PTPRB: variants seen among roughly 807,000 people sequenced by gnomAD.
The protein encoded by PTPRB is protein tyrosine phosphatase receptor type B.
A neutral mutation model predicts 238.1 loss-of-function variants in PTPRB; 97 were observed. The observed-to-expected ratio is 0.41, with a 90% CI of 0.35 to 0.48. The LOEUF (loss-of-function observed/expected upper bound fraction) is 0.48. PTPRB is among the 20% of genes least tolerant of loss of function. The probability of loss-of-function intolerance (pLI) is 0.30; values close to 1 mark genes in which losing one functional copy is unlikely to be tolerated. For synonymous variants in PTPRB, 970 were observed against 995.4 expected (o/e 0.97, Z 0.48); for missense variants, 2,292 against 2,681.9 (o/e 0.85, Z 3.21).
intron 3 of PTPRB, among the ~76,000 whole-genome samples, chr12:70,620,772 T>A (rs1884894390): frequency 6.6e-6 from 1 of 152,162 alleles, no homozygotes; most frequent in South Asian, 2.1e-4. Flanking sequence ...AAACACTGAA[T>A]TTTGTTCTAA....
rs149749723 is a variant in PTPRB, at chr12:70,525,334, C to T, written c.6505-743G>A. The T allele has an allele frequency of 2.8e-4, 42 of 152,254 alleles. No homozygotes were observed. In the East Asian group the frequency reaches 7.7e-3, roughly 28 times the overall value. The allele number at this position is 152,254 out of a possible 1,614,324, so 9.4% of individuals were successfully genotyped here. ...TGAGAAAATCATTTCACTGCATACT[C>T]TGCTGGTTTGTTCCCTTTATTCTAG... is the stretch of plus-strand genomic sequence containing the variant. On this transcript the variant is annotated intron_variant, in intron 32 of 33. Transcript: ENST00000334414.
intron 9 of PTPRB, 79 bp from the exon 10 acceptor site, chr12:70,581,381 G>A: frequency 7.1e-7 from 1 of 1,408,638 alleles, no homozygotes; most frequent in Non-Finnish European, 9.6e-7. Flanking sequence ...TCAAAAAATG[G>A]AGACAGACTT....
At chr12:70,615,460 T>TC (rs923507274) in intron 3 of PTPRB, among the ~76,000 whole-genome samples, 4 of 152,198 alleles carry the variant, frequency 2.6e-5, no homozygotes, top group African/African-American at 9.6e-5. Context: ...TATTCTTTTT[T>TC]CCCACACCCA....
chr12:70,605,645 CA>C (rs1234133797), intron 4 of PTPRB, among the ~76,000 whole-genome samples: 1 of 152,046 alleles, frequency 6.6e-6, no homozygotes, highest in Non-Finnish European at 1.5e-5. Flanking sequence ...GGAGAAGACA[CA>C]AGTCAGCTCT....
chr12:70,545,791 G>A (rs1417903282), intron 21 of PTPRB, among the ~76,000 whole-genome samples: 3 of 152,154 alleles, frequency 2.0e-5, no homozygotes, highest in Admixed American at 1.3e-4. Flanking sequence ...ATCAAGGATG[G>A]CCTAAGACTT....
intron 10 of PTPRB, among the ~76,000 whole-genome samples, chr12:70,578,557 T>C (rs550326684): frequency 6.6e-6 from 1 of 152,096 alleles, no homozygotes; most frequent in Non-Finnish European, 1.5e-5. Flanking sequence ...TAATTTCTTG[T>C]CCCTTTTTCC....
At chr12:70,570,836 C>G in intron 13 of PTPRB, 190 bp downstream of exon 13, 7 of 679,948 alleles carry the variant, frequency 1.0e-5, no homozygotes, top group Non-Finnish European at 1.7e-5. Context: ...CCCCGCCACT[C>G]TCTGCTGACA....
chr12:70,620,343 G>A (rs1884872240), intron 3 of PTPRB, among the ~76,000 whole-genome samples: 1 of 152,174 alleles, frequency 6.6e-6, no homozygotes, highest in African/African-American at 2.4e-5. Flanking sequence ...CCAGACTCTT[G>A]ACTGCAGCAG....
intron 9 of PTPRB, among the ~76,000 whole-genome samples, chr12:70,584,809 C>CG (rs1881723290): frequency 6.6e-6 from 1 of 151,422 alleles, no homozygotes; most frequent in Admixed American, 6.6e-5. Flanking sequence ...ATCTCAGATG[C>CG]AGGGGGAAAA....
chr12:70,558,842 A>T (rs1443811083), intron 18 of PTPRB: 1 of 165,066 alleles, frequency 6.1e-6, no homozygotes, highest in African/African-American at 2.4e-5. Flanking sequence ...CTCACCTTTT[A>T]TGCTATGGCC....
chr12:70,582,480 T>C (rs1175454487), intron 9 of PTPRB, among the ~76,000 whole-genome samples: 1 of 152,090 alleles, frequency 6.6e-6, no homozygotes, highest in Non-Finnish European at 1.5e-5. Context: ...GAAACATAGA[T>C]TGATAGAACA....
intron 3 of PTPRB, among the ~76,000 whole-genome samples, chr12:70,618,097 TTTTG>T (rs899640331): frequency 1.8e-4 from 27 of 152,144 alleles, no homozygotes; most frequent in Non-Finnish European, 2.6e-4. Flanking sequence ...CTTGTTTGTT[TTTTG>T]TTTGTTTGTT....
At chr12:70,540,176 AG>A (rs1316066718) in intron 23 of PTPRB, 154 bp from the exon 24 acceptor site, 1 of 619,598 alleles carries the variant, frequency 1.6e-6, no homozygotes, top group East Asian at 2.8e-5. Flanking sequence ...AGGGAGGGAA[AG>A]GAAAGAGAAT....
rs1053017383 is a variant in PTPRB, at chr12:70,521,812, C to T, written c.6626-301G>A. 3.9e-5 allele frequency among the ~76,000 whole-genome samples: 6 copies of T among 152,130 alleles called. No individual in the cohort carries two copies. The East Asian group carries it at 5.8e-4, about 15-fold the overall frequency. The stretch of plus-strand genomic sequence containing the variant: ...GTTACAGCTAGTTAGTTCGAGAGTT[C>T]GGACCTGAATCTTAGCCTTCAGCTA... On this transcript the variant is annotated intron_variant, in intron 33 of 33. Transcript: ENST00000334414.
intron 32 of PTPRB, among the ~76,000 whole-genome samples, chr12:70,529,612 T>C (rs1354216562): frequency 6.6e-6 from 1 of 152,096 alleles, no homozygotes; most frequent in Non-Finnish European, 1.5e-5. Flanking sequence ...TGCATAGTCT[T>C]GTGGAGAAAG....
chr12:70,635,963 C>T lies in PTPRB; in HGVS notation c.159G>A (p.Met53Ile), dbSNP rs2136620091. Reference sequence around the variant, plus strand: ...GAAGGAGCTTTTCATCCTCAGTCCACATCCACTGCTGGTTCTGGATGGTCC... The same window carrying T: ...GAAGGAGCTTTTCATCCTCAGTCCATATCCACTGCTGGTTCTGGATGGTCC... ...CNRTIQNQQW[M>I]WTEDEKLLHV... The change falls in exon 2 of 34, where the codon ATG becomes ATA. Residue 53 changes from methionine (M) to isoleucine (I), a missense_variant. By Grantham distance (10) the Met-to-Ile change is conservative. Coordinates refer to ENST00000334414, the MANE Select transcript of PTPRB (RefSeq NM_001109754.4). 1 of 1,613,654 alleles carries T rather than the reference C, an allele frequency of 6.2e-7. No homozygotes were observed.
intron 8 of PTPRB, among the ~76,000 whole-genome samples, chr12:70,588,500 GCA>G (rs1287412112): frequency 1.3e-5 from 2 of 152,118 alleles, no homozygotes; most frequent in African/African-American, 4.8e-5. Context: ...AGGTGTGGTG[GCA>G]CATGCCTGTG....
At position 70,540,869 on chromosome 12, in the gene PTPRB, T is replaced by C; in HGVS notation, c.5583A>G (p.Arg1861=). The C allele has an allele frequency of 6.2e-7, 1 of 1,600,196 alleles. No homozygotes were observed. Among genetic ancestry groups the C allele is most frequent in the Non-Finnish European group, 8.5e-7 (1 of 1,173,074 alleles). ...LVAVVALLIC[R]QKVSHGRERP... is the part of the protein sequence containing the mutation. ...ATCTTTGTACTTACCTCACTTTCTG[T>C]CTGCAGATCAATAAGGCAACAACAG... The change falls in exon 23 of 34, where the codon AGA becomes AGG. Residue 1861 remains arginine, a synonymous_variant. Transcript: ENST00000334414.
chr12:70,564,894 G>C (rs1375212069), intron 15 of PTPRB, among the ~76,000 whole-genome samples: 6 of 147,944 alleles, frequency 4.1e-5, no homozygotes, highest in South Asian at 2.1e-4. Context: ...ATAATAAATA[G>C]ATAGATAAAA....
Sources: gnomAD v4.1 joint callset for allele counts (sites outside exome capture counted in the v4.1 genomes callset) on GRCh38, gnomAD v4.1.1 for gene constraint, MANE v1.5 for transcripts, NCBI Gene and HGNC (gene_info 2026-07-23, HGNC 2026-07-21) for gene names.